The following SIK3 variants were observed in gnomAD, a reference collection of about 807,000 sequenced individuals.
SIK3 encodes the protein serine/threonine-protein kinase SIK3.
Under a neutral mutation model 144.2 loss-of-function variants are expected in SIK3, and 28 were observed. The observed-to-expected ratio is 0.19, with a 90% CI of 0.14 to 0.27. The LOEUF (loss-of-function observed/expected upper bound fraction) is 0.27. Among genes scored for constraint, SIK3 ranks in the 10% least tolerant of loss-of-function variants. The pLI is 1.00. For missense variants in SIK3, 1,319 were observed against 1,776.0 expected, an observed-to-expected ratio of 0.74 and a Z score of 4.62; for synonymous variants, 686 against 676.3, an observed-to-expected ratio of 1.01 and a Z score of -0.22.
In SIK3 at chr11:117,010,480, T is replaced by A. The variant is rs181189895; in HGVS notation, c.274-53416A>T. The stretch of plus-strand genomic sequence containing the variant: ...TGACCAGTACAAGGCCTGCTGAGGG[T>A]ACTCAAATCTGACTTTCCTTTTTTC... On this transcript the variant is annotated intron_variant, in intron 1 of 24. Coordinates refer to ENST00000445177, the MANE Select transcript of SIK3 (RefSeq NM_001366686.3). Among the ~76,000 whole-genome samples, 111 of 152,150 alleles carry A rather than the reference T, an allele frequency of 7.3e-4. 1 individual carries two copies. The highest frequency in any genetic ancestry group is 1.3e-3 in the Non-Finnish European group (89 of 68,012).
chr11:116,860,951 G>T (rs895699494), intron 19 of SIK3, among the ~76,000 whole-genome samples: 1 of 152,176 alleles, frequency 6.6e-6, no homozygotes, highest in South Asian at 2.1e-4. Flanking sequence ...TGCCATGGTT[G>T]TAAGTTTTCT....
chr11:116,948,023 C>T (rs1948759692), intron 3 of SIK3, among the ~76,000 whole-genome samples: 1 of 151,674 alleles, frequency 6.6e-6, no homozygotes, highest in East Asian at 1.9e-4. Context: ...CAACCTCCAC[C>T]TCCTAGGCTC....
rs1307772546 is a variant in SIK3, at chr11:116,867,108, A to C, written c.1952+838T>G. Among the ~76,000 whole-genome samples the C allele has an allele frequency of 1.3e-5, 2 of 152,162 alleles. No homozygotes were observed. The highest frequency in any genetic ancestry group is 4.8e-5 in the African/African-American group (2 of 41,440). ...TTTCCTTGGAATCTGATTGCTTTTC[A>C]ACCTTCCCAAGGCTGCTTTTCAGTG... On this transcript the variant is annotated intron_variant, in intron 15 of 24. Coordinates refer to ENST00000445177, the MANE Select transcript of SIK3 (RefSeq NM_001366686.3). The surrounding 1 kb of genome is among the most constrained non-coding windows in gnomAD (Gnocchi z 4.1).
intron 1 of SIK3, among the ~76,000 whole-genome samples, chr11:116,987,979 C>CA (rs1950377103): frequency 6.6e-6 from 1 of 152,170 alleles, no homozygotes. Context: ...CTCGACACAG[C>CA]ACCACGTACT....
intron 1 of SIK3, among the ~76,000 whole-genome samples, chr11:116,995,282 A>C (rs1448466192): frequency 6.6e-6 from 1 of 150,410 alleles, no homozygotes; most frequent in African/African-American, 2.4e-5. Context: ...AAAAAAAAAA[A>C]AGACAGGGTC....
intron 4 of SIK3, among the ~76,000 whole-genome samples, chr11:116,898,935 C>G (rs1145200): frequency 0.94 from 126,160 of 133,858 alleles, 59,675 homozygotes; most frequent in Non-Finnish European, 0.98. Context: ...TGTTCACTCT[C>G]ATGGTAGTTT....
intron 3 of SIK3, among the ~76,000 whole-genome samples, chr11:116,931,802 C>T (rs911695171): frequency 4.6e-5 from 7 of 152,124 alleles, no homozygotes; most frequent in African/African-American, 1.2e-4. Context: ...AAAAGCAGGG[C>T]GAGGCCAAGA....
In SIK3 at chr11:116,934,299, A is replaced by G. The variant is rs188322594; in HGVS notation, c.455-6919T>C. Among the ~76,000 whole-genome samples, 13 of 152,348 alleles carry G rather than the reference A, an allele frequency of 8.5e-5. No individual in the cohort carries two copies. The East Asian group carries it at 2.5e-3, about 29-fold the overall frequency. The stretch of plus-strand genomic sequence containing the variant: ...TATTAAAAGAACAAAAGATGATTGA[A>G]TACATTCCTATCCCTGTTTATTAAA... On this transcript the variant is annotated intron_variant, in intron 3 of 24. Coordinates refer to ENST00000445177, the MANE Select transcript of SIK3 (RefSeq NM_001366686.3).
intron 11 of SIK3, among the ~76,000 whole-genome samples, chr11:116,874,586 C>T (rs1944144682): frequency 6.6e-6 from 1 of 152,254 alleles, no homozygotes; most frequent in African/African-American, 2.4e-5. Context: ...CCCTTTAAAG[C>T]TATCTCAGTC....
intron 1 of SIK3, among the ~76,000 whole-genome samples, chr11:117,096,151 A>G (rs919286338): frequency 1.8e-4 from 27 of 152,214 alleles, no homozygotes; most frequent in Non-Finnish European, 5.9e-5. Context: ...TGAAGATAGA[A>G]ATGTCTCTTT....
intron 1 of SIK3, among the ~76,000 whole-genome samples, chr11:116,994,416 A>G (rs975658879): frequency 6.6e-6 from 1 of 152,172 alleles, no homozygotes; most frequent in Admixed American, 6.5e-5. Context: ...AGCCACACTG[A>G]CTGCTCTACT....
chr11:116,864,404 T>C (rs1479571022), intron 15 of SIK3: 1 of 152,318 alleles, frequency 6.6e-6, no homozygotes, highest in African/African-American at 2.4e-5. Flanking sequence ...AATGTGGGCC[T>C]TGAGATCCTG....
At chr11:117,019,366 T>A (rs1951671444) in intron 1 of SIK3, among the ~76,000 whole-genome samples, 2 of 152,162 alleles carry the variant, frequency 1.3e-5, no homozygotes, top group Admixed American at 6.5e-5. Context: ...AAAGGAAATG[T>A]ATATATCACA....
intron 2 of SIK3, among the ~76,000 whole-genome samples, chr11:116,954,331 G>C (rs1352610522): frequency 6.6e-6 from 1 of 152,154 alleles, no homozygotes; most frequent in South Asian, 2.1e-4. Context: ...TATTGCTTGA[G>C]AGAGATAGGC....
At chr11:116,973,140 T>C (rs1949822351) in intron 1 of SIK3, among the ~76,000 whole-genome samples, 2 of 152,198 alleles carry the variant, frequency 1.3e-5, no homozygotes, top group African/African-American at 4.8e-5. Flanking sequence ...TCTGAGACCC[T>C]GAGCAGAGGG....
chr11:116,850,655 T>A (rs953023044), intron 21 of SIK3, among the ~76,000 whole-genome samples: 2 of 152,270 alleles, frequency 1.3e-5, no homozygotes, highest in African/African-American at 2.4e-5. Context: ...ATCTCATGTA[T>A]GTCTGTGAAT....
intron 3 of SIK3, among the ~76,000 whole-genome samples, chr11:116,930,102 G>A (rs566201735): frequency 2.6e-4 from 39 of 149,546 alleles, no homozygotes; most frequent in Non-Finnish European, 4.9e-4. Flanking sequence ...TTTTTAAAGT[G>A]TTCACATTAG....
chr11:117,042,787 A>T (rs1222102933), intron 1 of SIK3, among the ~76,000 whole-genome samples: 1 of 152,214 alleles, frequency 6.6e-6, no homozygotes, highest in African/African-American at 2.4e-5. Flanking sequence ...CGTGAAGGAA[A>T]ATGTTAAGAC....
intron 3 of SIK3, 114 bp from the exon 4 acceptor site, chr11:116,927,494 G>A: frequency 1.1e-6 from 1 of 870,236 alleles, no homozygotes; most frequent in Non-Finnish European, 1.8e-6. Flanking sequence ...GAGGCAAAAT[G>A]AGCAATGAGA....
Sources: allele counts gnomAD v4.1 joint callset (sites outside exome capture counted in the v4.1 genomes callset), GRCh38; gene constraint gnomAD v4.1.1; non-coding constraint Gnocchi (gnomAD v3.1); transcripts MANE v1.5; gene names NCBI Gene and HGNC (gene_info 2026-07-23, HGNC 2026-07-21).